Variants in YWHAQ observed in about 807,000 individuals in gnomAD.
YWHAQ encodes tyrosine 3-monooxygenase/tryptophan 5-monooxygenase activation protein theta.
YWHAQ carries 6 observed loss-of-function variants against 28.3 expected under a neutral mutation model. The observed-to-expected ratio is 0.21, with a 90% CI of 0.12 to 0.42. The LOEUF (loss-of-function observed/expected upper bound fraction) is 0.42. Ranked by LOEUF, YWHAQ falls within the 10% of genes least tolerant of loss-of-function variation. The pLI is 1.00. For missense variants in YWHAQ, 201 were observed against 305.6 expected, an observed-to-expected ratio of 0.66 and a Z score of 2.55; for synonymous variants, 143 against 119.1, an observed-to-expected ratio of 1.20 and a Z score of -1.31.
In YWHAQ at chr2:9,630,581, A is replaced by C; in HGVS notation, c.-82-47T>G. 1 of 929,512 alleles carries C rather than the reference A, an allele frequency of 1.1e-6. No homozygotes were observed. 57.6% of individuals were successfully genotyped at this position (929,512 alleles called of 1,614,324 possible). A position where few individuals can be genotyped will look rare whatever the true frequency, so the allele number is the denominator to read the frequency against. On this transcript the variant is annotated intron_variant, in intron 1 of 5. Transcript: ENST00000238081. The surrounding 1 kb of genome is among the most constrained non-coding windows in gnomAD (Gnocchi z 5.6). Reference sequence around the variant, plus strand: ...AGGCGAGAACAAAAAGCAGAGAGGGAGCGCCGTCAGACAATGCGGCCCGCC... The same window carrying C: ...AGGCGAGAACAAAAAGCAGAGAGGGCGCGCCGTCAGACAATGCGGCCCGCC...
chr2:9,629,646 G>A (rs904046359), intron 2 of YWHAQ, among the ~76,000 whole-genome samples: 2 of 152,160 alleles, frequency 1.3e-5, no homozygotes, highest in Non-Finnish European at 2.9e-5. Flanking sequence ...CTGTTTATGG[G>A]GGGTGGGGGG....
chr2:9,623,054 CAAA>C (rs1301083488), intron 2 of YWHAQ, among the ~76,000 whole-genome samples: 7 of 152,198 alleles, frequency 4.6e-5, no homozygotes, highest in African/African-American at 1.7e-4. Context: ...TCCCAACTGC[CAAA>C]GCAACACCTT....
intron 2 of YWHAQ, among the ~76,000 whole-genome samples, chr2:9,592,578 A>G (rs1666479636): frequency 6.6e-6 from 1 of 151,978 alleles, no homozygotes; most frequent in African/African-American, 2.4e-5. Context: ...ACAAAAAATT[A>G]GCCAAGCGTG....
intron 2 of YWHAQ, among the ~76,000 whole-genome samples, chr2:9,604,851 C>T (rs1044183761): frequency 2.0e-5 from 3 of 152,160 alleles, no homozygotes; most frequent in East Asian, 3.8e-4. Flanking sequence ...AAACGGCAAA[C>T]TCTTAAGCAG....
chr2:9,630,607 G>A lies in YWHAQ; in HGVS notation c.-82-73C>T, dbSNP rs1452756235. 14 of 679,284 alleles carry A rather than the reference G, an allele frequency of 2.1e-5. No homozygotes were observed. In the East Asian group the frequency reaches 2.8e-4, roughly 14 times the overall value. 42.1% of individuals were successfully genotyped at this position (679,284 alleles called of 1,614,324 possible). On this transcript the variant is annotated intron_variant, in intron 1 of 5. Transcript: ENST00000238081. The surrounding 1 kb of genome is among the most constrained non-coding windows in gnomAD (Gnocchi z 5.6). ...GCGCCGTCAGACAATGCGGCCCGCC[G>A]CCCGCTTTTGTCTCCCGCACACGCG...
At position 9,591,040 on chromosome 2, in the gene YWHAQ, G is replaced by C. The variant is rs150427989; in HGVS notation, c.418+352C>G. On this transcript the variant is annotated intron_variant, in intron 3 of 5. Transcript: ENST00000238081. ...TGATCTGAAGTTTTAAGGCATAATAGAAAGGCCATGTGAAATGCAGAATCA... is the reference window on the plus strand; with the variant it reads ...TGATCTGAAGTTTTAAGGCATAATACAAAGGCCATGTGAAATGCAGAATCA... 1.5e-3 allele frequency among the ~76,000 whole-genome samples: 226 copies of C among 152,286 alleles called. 1 individual carries two copies. The highest frequency in any genetic ancestry group is 5.3e-3 in the African/African-American group (219 of 41,560).
At chr2:9,612,996 C>T (rs1050201294) in intron 2 of YWHAQ, among the ~76,000 whole-genome samples, 1 of 152,158 alleles carries the variant, frequency 6.6e-6, no homozygotes, top group East Asian at 1.9e-4. Flanking sequence ...TTAATCCTTG[C>T]AGCTCCTCTC....
At chr2:9,595,349 A>G (rs1447003247) in intron 2 of YWHAQ, among the ~76,000 whole-genome samples, 1 of 152,204 alleles carries the variant, frequency 6.6e-6, no homozygotes, top group Non-Finnish European at 1.5e-5. Context: ...ATTGTAAAAA[A>G]CACGGATCAG....
intron 2 of YWHAQ, among the ~76,000 whole-genome samples, chr2:9,616,278 T>C (rs1318416924): frequency 3.3e-5 from 5 of 152,066 alleles, no homozygotes; most frequent in African/African-American, 7.2e-5. Context: ...AAGAATAAAA[T>C]TGGACCTTTT....
rs574288268 is a variant in YWHAQ at position 9,584,536 on chromosome 2, C to T, written c.*750G>A. ...AAGAAATGACATGCACTTTAATTTG[C>T]CAAAAGCAATGCTTGTATTCTGGCA... is the stretch of plus-strand genomic sequence containing the variant. On this transcript the variant is annotated 3_prime_UTR_variant, in exon 6 of 6. Transcript: ENST00000238081. 19 of 152,612 alleles carry T rather than the reference C, an allele frequency of 1.2e-4. No homozygotes were observed. Among genetic ancestry groups the T allele is most frequent in the Non-Finnish European group, 2.8e-4 (19 of 68,038 alleles). The allele number at this position is 152,612 out of a possible 1,614,324, so 9.5% of individuals were successfully genotyped here. A position where few individuals can be genotyped will look rare whatever the true frequency, so the allele number is the denominator to read the frequency against.
chr2:9,602,858 AAAAAATATATATATATATATATATATAT>A (rs1157755277), intron 2 of YWHAQ, among the ~76,000 whole-genome samples: 4 of 11,958 alleles, frequency 3.3e-4, no homozygotes, highest in Non-Finnish European at 5.4e-4. Flanking sequence ...AAAAAAAAAA[AAAAAATATATATATATATATATATATAT>A]ATATATATAT....
intron 2 of YWHAQ, among the ~76,000 whole-genome samples, chr2:9,603,137 C>T (rs763163320): frequency 1.3e-5 from 2 of 151,728 alleles, no homozygotes; most frequent in Non-Finnish European, 2.9e-5. Flanking sequence ...ATAAACACAA[C>T]GTAGTCAGAT....
chr2:9,598,925 T>C (rs140641705), intron 2 of YWHAQ, among the ~76,000 whole-genome samples: 2 of 152,234 alleles, frequency 1.3e-5, no homozygotes, highest in African/African-American at 4.8e-5. Context: ...GAGGAAGGCA[T>C]GTCGAAAGCC....
At chr2:9,617,311 A>C (rs1050314048) in intron 2 of YWHAQ, among the ~76,000 whole-genome samples, 2 of 152,148 alleles carry the variant, frequency 1.3e-5, no homozygotes, top group Non-Finnish European at 2.9e-5. Context: ...CCACAAAAAG[A>C]AGCACAAAAT....
intron 5 of YWHAQ, 84 bp from the exon 6 acceptor site, chr2:9,585,429 C>T: frequency 2.1e-6 from 3 of 1,460,328 alleles, no homozygotes; most frequent in Admixed American, 3.5e-5. Flanking sequence ...AAATTAACTA[C>T]AAGAGTAGTA....
chr2:9,617,247 C>A (rs1667057540), intron 2 of YWHAQ, among the ~76,000 whole-genome samples: 1 of 151,950 alleles, frequency 6.6e-6, no homozygotes, highest in Non-Finnish European at 1.5e-5. Context: ...CAGGTGTGAG[C>A]CACCACGTCC....
intron 2 of YWHAQ, among the ~76,000 whole-genome samples, chr2:9,629,788 A>C (rs539643153): frequency 1.3e-5 from 2 of 152,228 alleles, no homozygotes; most frequent in Non-Finnish European, 2.9e-5. Flanking sequence ...GCCTTCTTTC[A>C]ACTGCCTGAA....
At chr2:9,611,912 AC>A (rs1223779230) in intron 2 of YWHAQ, among the ~76,000 whole-genome samples, 1 of 152,120 alleles carries the variant, frequency 6.6e-6, no homozygotes, top group Non-Finnish European at 1.5e-5. Context: ...CATGTGATCT[AC>A]CCGCCTTGGC....
chr2:9,610,704 C>T (rs1381732761), intron 2 of YWHAQ, among the ~76,000 whole-genome samples: 1 of 152,126 alleles, frequency 6.6e-6, no homozygotes, highest in African/African-American at 2.4e-5. Flanking sequence ...GACGGGGTTT[C>T]TCCATGTTGG....
Sources: gnomAD v4.1 joint callset for allele counts (sites outside exome capture counted in the v4.1 genomes callset) on GRCh38, gnomAD v4.1.1 for gene constraint, Gnocchi (gnomAD v3.1) non-coding constraint, MANE v1.5 for transcripts, NCBI Gene and HGNC (gene_info 2026-07-23, HGNC 2026-07-21) for gene names.